Variants in PLEKHA8 observed in about 807,000 individuals in gnomAD.
The protein encoded by PLEKHA8 is pleckstrin homology domain-containing family A member 8.
A neutral mutation model predicts 68.2 loss-of-function variants in PLEKHA8; 36 were observed. The ratio of observed to expected loss-of-function variants is 0.53; its 90% CI spans 0.40 to 0.70. The LOEUF is 0.70. PLEKHA8 is among the 30% of genes least tolerant of loss of function. The pLI is 0.00. For synonymous variants in PLEKHA8, 211 were observed against 216.1 expected (o/e 0.98, Z 0.20); for missense variants, 505 against 615.4 (o/e 0.82, Z 1.90).
chr7:30,118,779 G>A (rs529709759), intron 13 of PLEKHA8, among the ~76,000 whole-genome samples: 3 of 152,010 alleles, frequency 2.0e-5, no homozygotes, highest in Non-Finnish European at 2.9e-5. Flanking sequence ...GGGTTTCACC[G>A]TGTTAGCCAG....
At position 30,116,206 on chromosome 7, in the gene PLEKHA8, A is replaced by ATG. The variant is rs532085252; in HGVS notation, c.1363-13058_1363-13057dup. Among the ~76,000 whole-genome samples the ATG allele has an allele frequency of 1.6e-3, 249 of 150,966 alleles. 5 individuals carry two copies. Among genetic ancestry groups the ATG allele is most frequent in the African/African-American group, 5.8e-3 (237 of 40,930 alleles). On this transcript the variant is annotated intron_variant, in intron 13 of 13. Coordinates refer to the PLEKHA8 transcript ENST00000396257. ...TACATACGCATACATACACGTATAC[A>ATG]TGTATACATATGTATATACGTATAC...
At chr7:30,074,529 T>G (rs1001315548) in intron 13 of PLEKHA8, among the ~76,000 whole-genome samples, 1 of 152,178 alleles carries the variant, frequency 6.6e-6, no homozygotes, top group African/African-American at 2.4e-5. Flanking sequence ...AGTAAAAAGC[T>G]TAAGTATCCT....
At chr7:30,047,683 C>T (rs1792061929) in intron 3 of PLEKHA8, 149 bp from the exon 4 acceptor site, 2 of 751,052 alleles carry the variant, frequency 2.7e-6, no homozygotes, top group Admixed American at 7.7e-5. Context: ...TCACCTGTCA[C>T]ATTTGCAACC....
chr7:30,100,733 C>T (rs1346450212), intron 13 of PLEKHA8, among the ~76,000 whole-genome samples: 1 of 151,984 alleles, frequency 6.6e-6, no homozygotes, highest in Non-Finnish European at 1.5e-5. Context: ...GAGGTCATAG[C>T]CAGAGCAGTA....
intron 1 of PLEKHA8, among the ~76,000 whole-genome samples, chr7:30,034,823 G>A (rs1315841963): frequency 6.6e-6 from 1 of 152,044 alleles, no homozygotes; most frequent in Non-Finnish European, 1.5e-5. Flanking sequence ...TTTCTTCCTG[G>A]TATCATTTGC....
rs35738941 is a variant in PLEKHA8, at chr7:30,073,563, T to TAAA, written c.1301-484_1301-482dup. On this transcript the variant is annotated intron_variant, in intron 12 of 13. Coordinates refer to ENST00000449726, the MANE Select transcript of PLEKHA8 (RefSeq NM_001197026.2). ...TAAGAGTGGAAGTATTTGTGTTTCT[T>TAAA]AAAAAAAAAAAAAAAAAAAAAAAAA... Among the ~76,000 whole-genome samples the TAAA allele has an allele frequency of 3.5e-3, 391 of 111,762 alleles. 4 individuals are homozygous for TAAA. The East Asian group carries it at 0.038, about 11-fold the overall frequency. 73.3% of individuals were successfully genotyped at this position (111,762 alleles called of 152,430 possible).
Position 30,099,603 on chromosome 7 carries a change from C to T in PLEKHA8, c.1362+25471C>T, listed in dbSNP as rs147733371. ...ATGCTGTTAACCAGCTCAGCCTCAT[C>T]GACTTTTGTAGAGCACTACATCCAG... On this transcript the variant is annotated intron_variant, in intron 13 of 13. Transcript: ENST00000396257. Among the ~76,000 whole-genome samples, 72 of 152,292 alleles carry T rather than the reference C, an allele frequency of 4.7e-4. 1 individual carries two copies. Among genetic ancestry groups the T allele is most frequent in the South Asian group, 1.7e-3 (8 of 4,816 alleles).
chr7:30,054,918 GA>G, intron 8 of PLEKHA8, 53 bp downstream of exon 8: 1 of 1,497,208 alleles, frequency 6.7e-7, no homozygotes, highest in Non-Finnish European at 9.1e-7. Flanking sequence ...TTCCATTCTG[GA>G]AAATCAGTCA....
Position 30,081,814 on chromosome 7 carries a change from T to C in PLEKHA8, c.*3027T>C. On this transcript the variant is annotated 3_prime_UTR_variant, in exon 14 of 14. Transcript: ENST00000449726. ...CATTTCCACACAATTTCATCGTGCC[T>C]GTACTTTTCTCTATGGTAAAAGCCA... The C allele has an allele frequency of 1.0e-6, 1 of 985,420 alleles. No homozygotes were observed. Among genetic ancestry groups the C allele is most frequent in the Middle Eastern group, 5.2e-4 (1 of 1,914 alleles). 61.0% of individuals were successfully genotyped at this position (985,420 alleles called of 1,614,324 possible).
chr7:30,048,770 T>C (rs542926228), intron 4 of PLEKHA8, among the ~76,000 whole-genome samples: 24 of 152,306 alleles, frequency 1.6e-4, no homozygotes, highest in African/African-American at 4.3e-4. Context: ...TTTAACCCAC[T>C]TGCATTCACT....
downstream of PLEKHA8, among the ~76,000 whole-genome samples, chr7:30,086,641 G>T (rs1731598912): frequency 6.6e-6 from 1 of 152,180 alleles, no homozygotes; most frequent in African/African-American, 2.4e-5. Flanking sequence ...TGCAGGTACT[G>T]GTGCATTTTC....
intron 9 of PLEKHA8, among the ~76,000 whole-genome samples, chr7:30,058,243 G>A (rs141503914): frequency 6.6e-6 from 1 of 152,078 alleles, no homozygotes; most frequent in Non-Finnish European, 1.5e-5. Context: ...CCAGAGCATG[G>A]CTTGCCTCCT....
intron 10 of PLEKHA8, 41 bp from the exon 11 acceptor site, chr7:30,061,856 C>A: frequency 6.2e-7 from 1 of 1,611,140 alleles, no homozygotes; most frequent in Non-Finnish European, 8.5e-7. Context: ...TTGATAACTT[C>A]AGCATTTTAA....
At chr7:30,115,565 T>TGTATACATGCACGTATACATGTAGAC (rs1299411423) in intron 13 of PLEKHA8, among the ~76,000 whole-genome samples, 1 of 48,514 alleles carries the variant, frequency 2.1e-5, no homozygotes, top group African/African-American at 4.4e-5. Flanking sequence ...CATGTAGACA[T>TGTATACATGCACGTATACATGTAGAC]ATGTATACAT....
chr7:30,099,309 A>G (rs1285417604), intron 13 of PLEKHA8, among the ~76,000 whole-genome samples: 1 of 152,226 alleles, frequency 6.6e-6, no homozygotes, highest in Non-Finnish European at 1.5e-5. Context: ...CAGACCCAGA[A>G]ATACATCAGA....
intron 13 of PLEKHA8, among the ~76,000 whole-genome samples, chr7:30,102,616 C>T (rs1795892861): frequency 6.6e-6 from 1 of 152,198 alleles, no homozygotes; most frequent in Non-Finnish European, 1.5e-5. Flanking sequence ...GGATCTGAAA[C>T]ATGCTGATAT....
At chr7:30,052,632 C>T (rs1297049220) in intron 6 of PLEKHA8, 77 bp from the exon 7 acceptor site, 7 of 1,234,604 alleles carry the variant, frequency 5.7e-6, no homozygotes, top group Non-Finnish European at 7.6e-6. Flanking sequence ...AGAGTGGAGA[C>T]CCTGTTTCAA....
chr7:30,089,749 G>T (rs565971807), intron 12 of PLEKHA8, among the ~76,000 whole-genome samples: 1 of 152,256 alleles, frequency 6.6e-6, no homozygotes, highest in South Asian at 2.1e-4. Flanking sequence ...CAGGTGTGTT[G>T]TGCTCTCAGA....
chr7:30,128,888 G>A (rs376292645), intron 13 of PLEKHA8, among the ~76,000 whole-genome samples: 3 of 152,166 alleles, frequency 2.0e-5, no homozygotes, highest in East Asian at 3.8e-4. Context: ...AGGTAGGGGA[G>A]GGGGCAGGCT....
Sources: allele counts gnomAD v4.1 joint callset (sites outside exome capture counted in the v4.1 genomes callset), GRCh38; gene constraint gnomAD v4.1.1; transcripts MANE v1.5; gene names NCBI Gene and HGNC (gene_info 2026-07-23, HGNC 2026-07-21).